AADACL4: variants seen among roughly 807,000 people sequenced by gnomAD.
The protein encoded by AADACL4 is arylacetamide deacetylase-like 4.
AADACL4 carries 9 observed loss-of-function variants against 14.1 expected under a neutral mutation model. The observed-to-expected ratio is 0.64, with a 90% confidence interval of 0.39 to 1.12. The LOEUF is 1.12. Among genes scored for constraint, AADACL4 ranks in the 50% most tolerant of loss-of-function variants. AADACL4 has a pLI of 0.01. For synonymous variants in AADACL4, 188 were observed against 201.6 expected, an observed-to-expected ratio of 0.93 and a Z score of 0.57; for missense variants, 531 against 516.1, an observed-to-expected ratio of 1.03 and a Z score of -0.28.
At chr1:12,650,840 C>T (rs1315419139) in intron 1 of AADACL4, among the ~76,000 whole-genome samples, 2 of 152,160 alleles carry the variant, frequency 1.3e-5, no homozygotes, top group Admixed American at 6.5e-5. Flanking sequence ...CAACAATTGG[C>T]TTTTCTAAGT....
In AADACL4 at chr1:12,666,476, A is replaced by G. The variant is rs1028490831; in HGVS notation, c.965A>G (p.Glu322Gly). The G allele has an allele frequency of 6.2e-7, 1 of 1,614,182 alleles. No individual in the cohort carries two copies. ...GAAGCCAAACATATGCTGGATGTAG[A>G]AAATTCACCCCTGATAGCAGATGAT... ...YLEAKHMLDV[E>G]NSPLIADDEV... The change falls in exon 4 of 4, where the codon GAA becomes GGA. Residue 322 changes from glutamate to glycine, a missense_variant. Transcript: ENST00000376221.
Position 12,651,098 on chromosome 1 carries a change from G to A in AADACL4, c.169-25G>A, listed in dbSNP as rs753390937. On this transcript the variant is annotated intron_variant, in intron 1 of 3. Coordinates refer to ENST00000376221, the MANE Select transcript of AADACL4 (RefSeq NM_001013630.2). ...CAGATTCTAACCTCTCCTAACGTCT[G>A]GCTTTCTTTTGTTACCTCCAACAGG... 6.2e-6 allele frequency: 10 copies of A among 1,603,038 alleles called. No individual in the cohort carries two copies. In the Admixed American group the frequency reaches 1.7e-4, roughly 27 times the overall value.
chr1:12,662,041 G>A (rs556392622), intron 3 of AADACL4, among the ~76,000 whole-genome samples, 187 bp downstream of exon 3: 2 of 152,044 alleles, frequency 1.3e-5, no homozygotes, highest in Non-Finnish European at 2.9e-5. Flanking sequence ...GTCCATGAAC[G>A]GGGGCGTGCA....
chr1:12,649,560 A>G (rs1405112501), intron 1 of AADACL4, among the ~76,000 whole-genome samples: 1 of 152,186 alleles, frequency 6.6e-6, no homozygotes, highest in Admixed American at 6.5e-5. Flanking sequence ...AAGCAGGGAA[A>G]TCATTATTTT....
In AADACL4 at chr1:12,666,831, C is replaced by A; in HGVS notation, c.*96C>A. 1 of 1,272,412 alleles carries A rather than the reference C, an allele frequency of 7.9e-7. No individual in the cohort carries two copies. The highest frequency in any genetic ancestry group is 1.1e-6 in the Non-Finnish European group (1 of 927,758). The allele number at this position is 1,272,412 out of a possible 1,614,324, so 78.8% of individuals were successfully genotyped here. A position where few individuals can be genotyped will look rare whatever the true frequency, so the allele number is the denominator to read the frequency against. On this transcript the variant is annotated 3_prime_UTR_variant, in exon 4 of 4. Coordinates refer to ENST00000376221, the MANE Select transcript of AADACL4 (RefSeq NM_001013630.2). Reference sequence around the variant, plus strand: ...TTCTATTTTATTGACTAAAGAGGTGCTACATCAATGCTTGGGGCAGCTGGG... The same window carrying A: ...TTCTATTTTATTGACTAAAGAGGTGATACATCAATGCTTGGGGCAGCTGGG...
intron 2 of AADACL4, 85 bp from the exon 3 acceptor site, chr1:12,661,706 T>C: frequency 5.9e-6 from 8 of 1,367,408 alleles, no homozygotes; most frequent in South Asian, 1.2e-5. Context: ...ACACCAAGAC[T>C]GTCAGCTGGC....
intron 2 of AADACL4, among the ~76,000 whole-genome samples, chr1:12,653,450 G>A (rs1239809727): frequency 6.6e-6 from 1 of 152,220 alleles, no homozygotes; most frequent in Admixed American, 6.5e-5. Flanking sequence ...CATGGCTTCA[G>A]CAGTGACGTT....
intron 1 of AADACL4, 144 bp downstream of exon 1, chr1:12,644,858 T>G: frequency 1.1e-6 from 1 of 921,508 alleles, no homozygotes; most frequent in Non-Finnish European, 1.6e-6. Context: ...CTGTATCTGC[T>G]ATTCTGTTTG....
chr1:12,657,699 C>T (rs186036606), intron 2 of AADACL4, among the ~76,000 whole-genome samples: 3 of 152,200 alleles, frequency 2.0e-5, no homozygotes, highest in East Asian at 3.9e-4. Flanking sequence ...TGGAAAATGG[C>T]GGAGTTTTCT....
intron 1 of AADACL4, among the ~76,000 whole-genome samples, chr1:12,648,593 G>A (rs1286002414): frequency 6.6e-6 from 1 of 150,664 alleles, no homozygotes; most frequent in Non-Finnish European, 1.5e-5. Flanking sequence ...TGTAGAGATG[G>A]GGTTTCTTCA....
At chr1:12,658,108 T>TTTCTTTCCTTCC (rs1647195228) in intron 2 of AADACL4, among the ~76,000 whole-genome samples, 1 of 122,010 alleles carries the variant, frequency 8.2e-6, no homozygotes, top group Non-Finnish European at 1.6e-5. Flanking sequence ...TCTCTCTTTC[T>TTTCTTTCCTTCC]TTCCTTCCTT....
At chr1:12,657,055 A>T (rs1247462236) in intron 2 of AADACL4, among the ~76,000 whole-genome samples, 1 of 140,022 alleles carries the variant, frequency 7.1e-6, no homozygotes, top group Non-Finnish European at 1.5e-5. Context: ...AAGCAGGAGG[A>T]TTGTTTGAGC....
chr1:12,658,927 T>C (rs755651024), intron 2 of AADACL4, among the ~76,000 whole-genome samples: 3 of 152,226 alleles, frequency 2.0e-5, no homozygotes, highest in Non-Finnish European at 4.4e-5. Flanking sequence ...GAAGTTTTGT[T>C]TGTTGCTGGA....
chr1:12,656,774 A>G (rs2100764008), intron 2 of AADACL4, among the ~76,000 whole-genome samples: 1 of 152,172 alleles, frequency 6.6e-6, no homozygotes, highest in South Asian at 2.1e-4. Flanking sequence ...CCATCCATCC[A>G]CTGCCTGGTA....
At chr1:12,656,750 G>A (rs1292750389) in intron 2 of AADACL4, among the ~76,000 whole-genome samples, 1 of 152,146 alleles carries the variant, frequency 6.6e-6, no homozygotes, top group Admixed American at 6.5e-5. Flanking sequence ...AAAAGTCATA[G>A]TGCTCCTTGG....
At position 12,644,507 on chromosome 1, in the gene AADACL4, C is replaced by G. The variant is rs774872323; in HGVS notation, c.-40C>G. ...GGTCCTCTTCACATAAGCTATCAGA[C>G]AAGCTCCTCAGGGCAGCAGCTCCTC... On this transcript the variant is annotated 5_prime_UTR_variant, in exon 1 of 4. Transcript: ENST00000376221. 8 of 1,602,974 alleles carry G rather than the reference C, an allele frequency of 5.0e-6. No individual in the cohort carries two copies. Among genetic ancestry groups the G allele is most frequent in the Non-Finnish European group, 6.8e-6 (8 of 1,174,710 alleles).
At chr1:12,654,265 T>C (rs1279687272) in intron 2 of AADACL4, among the ~76,000 whole-genome samples, 1 of 152,178 alleles carries the variant, frequency 6.6e-6, no homozygotes, top group East Asian at 1.9e-4. Flanking sequence ...AAGACAGGAG[T>C]ATTACAAGGA....
chr1:12,646,582 A>C (rs17424864), intron 1 of AADACL4, among the ~76,000 whole-genome samples: 1 of 152,210 alleles, frequency 6.6e-6, no homozygotes, highest in Non-Finnish European at 1.5e-5. Context: ...TGCAATCCAC[A>C]TGGAGTTACT....
Position 12,666,056 on chromosome 1 carries a change from T to G in AADACL4, c.545T>G (p.Val182Gly). The G allele has an allele frequency of 2.5e-6, 4 of 1,614,164 alleles. No homozygotes were observed. Among genetic ancestry groups the G allele is most frequent in the Non-Finnish European group, 3.4e-6 (4 of 1,180,022 alleles). The change falls in exon 4 of 4, where the codon GTG (valine) becomes GGG (glycine). Residue 182 changes from valine (V) to glycine (G), a missense_variant. Val to Gly is a moderately radical substitution (Grantham distance 109). Transcript: ENST00000376221. ...HFLKALETYGVDPSRVVVCGE... is the reference protein window; with the variant it reads ...HFLKALETYGGDPSRVVVCGE... Reference sequence around the variant, plus strand: ...CTGAAGGCCCTGGAAACCTATGGGGTGGACCCCTCCAGGGTTGTGGTCTGT... The same window carrying G: ...CTGAAGGCCCTGGAAACCTATGGGGGGGACCCCTCCAGGGTTGTGGTCTGT...
Sources: gnomAD v4.1 joint callset for allele counts (sites outside exome capture counted in the v4.1 genomes callset) on GRCh38, gnomAD v4.1.1 for gene constraint, MANE v1.5 for transcripts, NCBI Gene and HGNC (gene_info 2026-07-23, HGNC 2026-07-21) for gene names.